Variants in CSMD1 observed in about 807,000 individuals in gnomAD.
CSMD1 encodes CUB and Sushi multiple domains 1, also known as CUB and sushi domain-containing protein 1.
Under a neutral mutation model 417.5 loss-of-function variants are expected in CSMD1, and 213 were observed. The ratio of observed to expected loss-of-function variants is 0.51; its 90% CI spans 0.46 to 0.57. CSMD1 has a LOEUF of 0.57. Ranked by LOEUF, CSMD1 falls within the 20% of genes least tolerant of loss-of-function variation. The pLI, the probability that CSMD1 is intolerant of heterozygous loss-of-function variation, is 0.00. For synonymous variants in CSMD1, 2,862 were observed against 1,736.8 expected, an observed-to-expected ratio of 1.65 and a Z score of -16.11; for missense variants, 6,923 against 4,529.7, an observed-to-expected ratio of 1.53 and a Z score of -15.17.
At chr8:3,065,922 G>A (rs1446610801) in intron 49 of CSMD1, among the ~76,000 whole-genome samples, 2 of 152,088 alleles carry the variant, frequency 1.3e-5, no homozygotes, top group African/African-American at 2.4e-5. Flanking sequence ...CAGCTTTGAG[G>A]TTATCACCCA....
At chr8:4,224,140 C>G (rs578204832) in intron 3 of CSMD1, among the ~76,000 whole-genome samples, 10 of 152,238 alleles carry the variant, frequency 6.6e-5, no homozygotes, top group African/African-American at 2.2e-4. Flanking sequence ...GGACACTTAA[C>G]TTTGTTTCGC....
intron 18 of CSMD1, among the ~76,000 whole-genome samples, chr8:3,371,568 A>G (rs1809949054): frequency 6.6e-6 from 1 of 152,094 alleles, no homozygotes; most frequent in Non-Finnish European, 1.5e-5. Flanking sequence ...CATGAAGTAA[A>G]TGATACTCAG....
intron 7 of CSMD1, among the ~76,000 whole-genome samples, chr8:3,692,684 C>T (rs567459993): frequency 3.3e-5 from 5 of 152,224 alleles, no homozygotes; most frequent in South Asian, 2.1e-4. Flanking sequence ...CTGCCTGCCT[C>T]GGCCTCCAGA....
At chr8:4,828,721 C>T (rs1031602776) in intron 1 of CSMD1, among the ~76,000 whole-genome samples, 4 of 152,144 alleles carry the variant, frequency 2.6e-5, no homozygotes, top group Admixed American at 1.3e-4. Context: ...AAAATCCTAA[C>T]GCTACTACTT....
chr8:4,210,345 G>C (rs915346049), intron 3 of CSMD1, among the ~76,000 whole-genome samples: 1 of 152,174 alleles, frequency 6.6e-6, no homozygotes, highest in Non-Finnish European at 1.5e-5. Context: ...CAAGTAAGTT[G>C]TATGATACCA....
At chr8:3,095,457 A>G (rs1815232909) in intron 47 of CSMD1, among the ~76,000 whole-genome samples, 1 of 152,194 alleles carries the variant, frequency 6.6e-6, no homozygotes, top group Non-Finnish European at 1.5e-5. Flanking sequence ...ACATTTAAAA[A>G]GCCATGCTCT....
chr8:3,736,435 T>G (rs910751602), intron 6 of CSMD1, among the ~76,000 whole-genome samples: 1 of 152,084 alleles, frequency 6.6e-6, no homozygotes, highest in African/African-American at 2.4e-5. Context: ...TGTAGCAATG[T>G]GGTCTCACTA....
At chr8:3,179,423 A>G (rs1178496630) in intron 37 of CSMD1, among the ~76,000 whole-genome samples, 1 of 152,224 alleles carries the variant, frequency 6.6e-6, no homozygotes, top group Non-Finnish European at 1.5e-5. Context: ...TACATTAAAT[A>G]ATTAAACAAA....
At chr8:4,433,452 T>C (rs1797981846) in intron 2 of CSMD1, among the ~76,000 whole-genome samples, 1 of 152,174 alleles carries the variant, frequency 6.6e-6, no homozygotes, top group Non-Finnish European at 1.5e-5. Context: ...GGCAATTCCC[T>C]GCGAGGTCAA....
At chr8:3,385,214 TATAC>T (rs1427060335) in intron 18 of CSMD1, among the ~76,000 whole-genome samples, 1 of 146,368 alleles carries the variant, frequency 6.8e-6, no homozygotes, top group African/African-American at 2.5e-5. Flanking sequence ...TGTAAAATCA[TATAC>T]ATATACATGC....
intron 54 of CSMD1, among the ~76,000 whole-genome samples, chr8:2,990,096 G>A (rs980132926): frequency 2.3e-4 from 35 of 152,138 alleles, no homozygotes; most frequent in Non-Finnish European, 4.4e-5. Context: ...CAACATTTGT[G>A]GACATTCATT....
At chr8:3,926,461 G>C (rs1015451771) in intron 5 of CSMD1, among the ~76,000 whole-genome samples, 2 of 149,708 alleles carry the variant, frequency 1.3e-5, no homozygotes, top group African/African-American at 4.9e-5. Context: ...TGTTGAATGA[G>C]TGAATACATG....
At chr8:4,842,608 G>T (rs918480324) in intron 1 of CSMD1, among the ~76,000 whole-genome samples, 1 of 152,178 alleles carries the variant, frequency 6.6e-6, no homozygotes, top group Non-Finnish European at 1.5e-5. Context: ...CAGGGAACCC[G>T]GGTGCCTATG....
At chr8:4,234,297 A>G (rs536386256) in intron 3 of CSMD1, among the ~76,000 whole-genome samples, 10 of 152,316 alleles carry the variant, frequency 6.6e-5, no homozygotes, top group African/African-American at 2.2e-4. Context: ...GGACCCATCC[A>G]TAGAGCTGGC....
intron 54 of CSMD1, among the ~76,000 whole-genome samples, chr8:2,996,540 G>C (rs1370449224): frequency 6.6e-6 from 1 of 152,196 alleles, no homozygotes; most frequent in Non-Finnish European, 1.5e-5. Flanking sequence ...ACTCAGCTCT[G>C]CTCCGTATGG....
chr8:4,965,841 G>T (rs1261088032), intron 1 of CSMD1, among the ~76,000 whole-genome samples: 2 of 152,194 alleles, frequency 1.3e-5, no homozygotes, highest in South Asian at 2.1e-4. Context: ...TCTTCATGTT[G>T]ATTGGAGGAT....
At chr8:3,234,600 C>T (rs1191102603) in intron 26 of CSMD1, among the ~76,000 whole-genome samples, 2 of 152,166 alleles carry the variant, frequency 1.3e-5, no homozygotes, top group Non-Finnish European at 2.9e-5. Context: ...ACTTTCCTCC[C>T]ATCAGCTGCA....
At chr8:4,156,587 T>G (rs74442193) in intron 3 of CSMD1, among the ~76,000 whole-genome samples, 3,535 of 152,136 alleles carry the variant, frequency 0.023, 61 homozygotes, top group Non-Finnish European at 0.036. Context: ...CCAAAAGCAT[T>G]CAGTTAGTGA....
intron 3 of CSMD1, among the ~76,000 whole-genome samples, chr8:4,390,590 T>G (rs891413004): frequency 2.6e-5 from 4 of 151,842 alleles, no homozygotes; most frequent in African/African-American, 9.7e-5. Context: ...CTCAGCTCCC[T>G]GCAAGCTCCG....
Sources: allele counts gnomAD v4.1 joint callset (sites outside exome capture counted in the v4.1 genomes callset), GRCh38; gene constraint gnomAD v4.1.1; transcripts MANE v1.5; gene names NCBI Gene and HGNC (gene_info 2026-07-23, HGNC 2026-07-21).